Variants in WWOX observed in about 807,000 individuals in gnomAD.
WWOX encodes the protein WW domain containing oxidoreductase, also known as WW domain-containing oxidoreductase.
In WWOX, 69 loss-of-function variants were observed where a neutral mutation model predicts 46.2. The ratio of observed to expected loss-of-function variants is 1.49; its 90% confidence interval spans 1.23 to 1.82. WWOX has a LOEUF of 1.82. Among genes scored for constraint, WWOX ranks in the 40% most tolerant of loss-of-function variants. The probability of loss-of-function intolerance (pLI) is 0.00; values close to 1 mark genes in which losing one functional copy is unlikely to be tolerated. For synonymous variants in WWOX, 359 were observed against 202.6 expected, an observed-to-expected ratio of 1.77 and a Z score of -6.56; for missense variants, 919 against 542.6, an observed-to-expected ratio of 1.69 and a Z score of -6.89.
At chr16:79,175,816 C>G (rs148194677) in intron 8 of WWOX, among the ~76,000 whole-genome samples, 1 of 152,236 alleles carries the variant, frequency 6.6e-6, no homozygotes, top group East Asian at 1.9e-4. Context: ...CCCTTTTTGT[C>G]TCACTCCTTC....
intron 8 of WWOX, among the ~76,000 whole-genome samples, chr16:78,618,361 C>T (rs963920889): frequency 6.6e-6 from 1 of 152,124 alleles, no homozygotes; most frequent in African/African-American, 2.4e-5. Context: ...GGTTGGGAGT[C>T]CTAGATCAAG....
intron 5 of WWOX, among the ~76,000 whole-genome samples, chr16:78,369,977 A>G (rs529446827): frequency 6.6e-6 from 1 of 151,998 alleles, no homozygotes; most frequent in East Asian, 1.9e-4. Flanking sequence ...TACTAAAACT[A>G]CAAAAATAGC....
At chr16:78,880,757 G>T (rs186682800) in intron 8 of WWOX, among the ~76,000 whole-genome samples, 1 of 152,284 alleles carries the variant, frequency 6.6e-6, no homozygotes, top group African/African-American at 2.4e-5. Context: ...TTTGGGAGAA[G>T]ATGGTTTCAA....
At chr16:78,988,390 G>C (rs1179419099) in intron 8 of WWOX, among the ~76,000 whole-genome samples, 6 of 151,566 alleles carry the variant, frequency 4.0e-5, no homozygotes, top group Non-Finnish European at 8.8e-5. Flanking sequence ...TAATTTCTCA[G>C]AGGTAGTAAT....
intron 8 of WWOX, among the ~76,000 whole-genome samples, chr16:78,758,031 C>G (rs558883554): frequency 2.0e-5 from 3 of 152,046 alleles, no homozygotes; most frequent in Non-Finnish European, 4.4e-5. Flanking sequence ...GTCAATCTTT[C>G]CCCACCTTCA....
At chr16:78,201,537 A>G (rs1490753607) in intron 5 of WWOX, among the ~76,000 whole-genome samples, 3 of 152,196 alleles carry the variant, frequency 2.0e-5, no homozygotes, top group African/African-American at 7.2e-5. Context: ...TTCTAAAACA[A>G]TTTAGTCCCT....
chr16:78,401,021 T>C (rs1261458450), intron 6 of WWOX, among the ~76,000 whole-genome samples: 1 of 152,198 alleles, frequency 6.6e-6, no homozygotes, highest in Non-Finnish European at 1.5e-5. Context: ...GGTCTCCTTG[T>C]GTTGTCCAGG....
At position 78,392,580 on chromosome 16, in the gene WWOX, A is replaced by C. The variant is rs534069120; in HGVS notation, c.605+5632A>C. 2.4e-4 allele frequency among the ~76,000 whole-genome samples: 36 copies of C among 152,152 alleles called. 1 individual carries two copies. The highest frequency in any genetic ancestry group is 8.4e-4 in the African/African-American group (35 of 41,524). On this transcript the variant is annotated intron_variant, in intron 6 of 8. Transcript: ENST00000566780. ...GAAAACCACTTGCTGGTGCCAAAAA[A>C]ATTTGGAAACCTCTGCTCTAGAGAT... is the stretch of plus-strand genomic sequence containing the variant.
chr16:78,602,865 T>C (rs931003588), intron 8 of WWOX, among the ~76,000 whole-genome samples: 1 of 152,138 alleles, frequency 6.6e-6, no homozygotes, highest in East Asian at 1.9e-4. Flanking sequence ...AGAAATTGAG[T>C]AATTTTTGCC....
chr16:78,559,354 T>TC (rs1414120567), intron 8 of WWOX, among the ~76,000 whole-genome samples: 1 of 152,072 alleles, frequency 6.6e-6, no homozygotes, highest in East Asian at 1.9e-4. Context: ...CGGCAAGAGA[T>TC]CATGGAGGCC....
intron 8 of WWOX, among the ~76,000 whole-genome samples, chr16:78,685,651 G>T (rs1004030239): frequency 6.6e-6 from 1 of 152,220 alleles, no homozygotes; most frequent in Non-Finnish European, 1.5e-5. Flanking sequence ...GGTGCTAAAT[G>T]CAAAGGCAGA....
chr16:78,710,400 A>G (rs997781372), intron 8 of WWOX, among the ~76,000 whole-genome samples: 60 of 146,442 alleles, frequency 4.1e-4, no homozygotes, highest in African/African-American at 1.4e-3. Flanking sequence ...CGCATCTGCT[A>G]TGCAGCATTG....
chr16:78,948,257 T>C (rs1309923096), intron 8 of WWOX, among the ~76,000 whole-genome samples: 2 of 152,216 alleles, frequency 1.3e-5, no homozygotes, highest in Non-Finnish European at 2.9e-5. Flanking sequence ...GTGGCACCAC[T>C]AGCTATTATT....
intron 8 of WWOX, among the ~76,000 whole-genome samples, chr16:78,925,322 G>T (rs56003201): frequency 6.6e-6 from 1 of 152,036 alleles, no homozygotes; most frequent in Non-Finnish European, 1.5e-5. Flanking sequence ...TCAACTGCCC[G>T]GATGATAAAC....
intron 8 of WWOX, among the ~76,000 whole-genome samples, chr16:78,451,775 T>A (rs567609751): frequency 1.3e-5 from 2 of 152,176 alleles, no homozygotes; most frequent in African/African-American, 4.8e-5. Flanking sequence ...ATACAGACAC[T>A]TATTGTCAAA....
At chr16:78,415,572 G>T (rs746502778) in intron 6 of WWOX, among the ~76,000 whole-genome samples, 1 of 152,120 alleles carries the variant, frequency 6.6e-6, no homozygotes, top group African/African-American at 2.4e-5. Flanking sequence ...TGAGACTAAG[G>T]ACAAGATGGA....
intron 8 of WWOX, among the ~76,000 whole-genome samples, chr16:78,454,868 C>T (rs939779900): frequency 6.6e-6 from 1 of 152,198 alleles, no homozygotes; most frequent in African/African-American, 2.4e-5. Flanking sequence ...GCTTTCACCA[C>T]CCACTATTGG....
chr16:78,147,852 G>A (rs1299047265), intron 4 of WWOX, among the ~76,000 whole-genome samples: 2 of 149,702 alleles, frequency 1.3e-5, no homozygotes, highest in African/African-American at 4.9e-5. Context: ...TCCCTCCTAA[G>A]CATTTCTTAA....
At chr16:78,400,345 G>A (rs777920984) in intron 6 of WWOX, among the ~76,000 whole-genome samples, 24 of 152,146 alleles carry the variant, frequency 1.6e-4, no homozygotes, top group Admixed American at 1.6e-3. Flanking sequence ...GCAGTGCCTC[G>A]ATTTCCCACC....
Sources: gnomAD v4.1 joint callset for allele counts (sites outside exome capture counted in the v4.1 genomes callset) on GRCh38, gnomAD v4.1.1 for gene constraint, MANE v1.5 for transcripts, NCBI Gene and HGNC (gene_info 2026-07-23, HGNC 2026-07-21) for gene names.